LCORL: variants seen among roughly 807,000 people sequenced by gnomAD.
The protein encoded by LCORL is ligand-dependent nuclear receptor corepressor-like protein.
In LCORL, 41 loss-of-function variants were observed where a neutral mutation model predicts 141.8. The observed-to-expected ratio is 0.29, with a 90% CI of 0.23 to 0.38. The LOEUF (loss-of-function observed/expected upper bound fraction) is 0.38. LCORL is among the 10% of genes least tolerant of loss of function. The pLI, the probability that LCORL is intolerant of heterozygous loss-of-function variation, is 1.00. For missense variants in LCORL, 1,759 were observed against 2,035.0 expected, an observed-to-expected ratio of 0.86 and a Z score of 2.61; for synonymous variants, 618 against 694.1, an observed-to-expected ratio of 0.89 and a Z score of 1.72.
intron 5 of LCORL, among the ~76,000 whole-genome samples, chr4:17,898,652 G>GTTTTTTTT (rs34770223): frequency 2.0e-3 from 234 of 119,216 alleles, no homozygotes; most frequent in Non-Finnish European, 2.7e-3. Flanking sequence ...CATTCTCACC[G>GTTTTTTTT]TTTTTTTTTT....
chr4:17,878,578 T>C (rs1365219634), intron 6 of LCORL, among the ~76,000 whole-genome samples: 1 of 151,356 alleles, frequency 6.6e-6, no homozygotes, highest in Non-Finnish European at 1.5e-5. Context: ...TTCTGATACA[T>C]AATTATCAGT....
At chr4:17,947,539 TAA>T (rs1266393521) in intron 4 of LCORL, among the ~76,000 whole-genome samples, 3 of 151,864 alleles carry the variant, frequency 2.0e-5, no homozygotes, top group African/African-American at 4.8e-5. Flanking sequence ...TCAAAATCAC[TAA>T]GAGAGTAAAT....
intron 6 of LCORL, chr4:17,883,276 T>C: frequency 3.0e-6 from 3 of 987,140 alleles, no homozygotes; most frequent in Non-Finnish European, 3.6e-6. Context: ...ATACAACAAG[T>C]GTTAAGTCTG....
intron 1 of LCORL, among the ~76,000 whole-genome samples, chr4:17,998,272 T>C (rs1014714372): frequency 6.6e-6 from 1 of 152,204 alleles, no homozygotes; most frequent in Non-Finnish European, 1.5e-5. Flanking sequence ...CTGTGGACTT[T>C]ATAAACATTG....
chr4:17,922,901 C>A (rs1392680853), intron 4 of LCORL, among the ~76,000 whole-genome samples: 2 of 152,196 alleles, frequency 1.3e-5, no homozygotes, highest in African/African-American at 4.8e-5. Context: ...CCAACCTGGG[C>A]AGCCATCAGC....
At chr4:17,847,690 A>G (rs2109088829) in intron 7 of LCORL, among the ~76,000 whole-genome samples, 1 of 152,302 alleles carries the variant, frequency 6.6e-6, no homozygotes, top group East Asian at 1.9e-4. Flanking sequence ...TTTAGAAAAA[A>G]TTTACATTAT....
chr4:17,957,824 C>A (rs937406868), intron 4 of LCORL, among the ~76,000 whole-genome samples: 2 of 151,714 alleles, frequency 1.3e-5, no homozygotes, highest in Admixed American at 1.3e-4. Flanking sequence ...AAAAGGGCAA[C>A]CTATATAAGA....
At chr4:17,845,508 A>T in exon 8 of LCORL, 1 of 406,160 alleles carries the variant, frequency 2.5e-6, no homozygotes, top group Non-Finnish European at 4.4e-6. Context: ...CTAAAAGAGA[A>T]ACATCAAAAT....
intron 1 of LCORL, among the ~76,000 whole-genome samples, chr4:18,004,639 C>T (rs760369810): frequency 2.8e-4 from 42 of 152,110 alleles, no homozygotes; most frequent in Non-Finnish European, 1.3e-4. Context: ...TCCACCCTGG[C>T]CCCTCCCAAA....
intron 4 of LCORL, among the ~76,000 whole-genome samples, chr4:17,913,511 G>A (rs1732898772): frequency 6.6e-6 from 1 of 152,184 alleles, no homozygotes. Context: ...ACAGTTTTTT[G>A]GAATGTTCAA....
chr4:17,961,597 A>C (rs1379007197), intron 4 of LCORL, among the ~76,000 whole-genome samples: 1 of 152,026 alleles, frequency 6.6e-6, no homozygotes, highest in East Asian at 1.9e-4. Context: ...CAAGACAGCA[A>C]TACAATAAGG....
intron 7 of LCORL, among the ~76,000 whole-genome samples, chr4:17,869,714 T>C (rs527378578): frequency 2.0e-5 from 3 of 152,186 alleles, no homozygotes; most frequent in Non-Finnish European, 4.4e-5. Context: ...CAAATCCTTA[T>C]TTCAGCTCAG....
chr4:17,866,497 GTT>G lies in LCORL; in HGVS notation c.5602+6889_5602+6890del, dbSNP rs1229423393. Among the ~76,000 whole-genome samples the G allele has an allele frequency of 2.0e-5, 3 of 152,292 alleles. No homozygotes were observed. The East Asian group carries it at 5.8e-4, about 29-fold the overall frequency. On this transcript the variant is annotated intron_variant, in intron 7 of 7. Coordinates refer to ENST00000635767, the Ensembl canonical transcript of LCORL. ...AAACACTTTTGAATAAATAAAAAGA[GTT>G]TATAGGTACAGGCTTTTAAAATCTA...
intron 4 of LCORL, among the ~76,000 whole-genome samples, chr4:17,934,399 CA>C (rs1217710323): frequency 6.6e-6 from 1 of 151,934 alleles, no homozygotes; most frequent in East Asian, 1.9e-4. Flanking sequence ...AAAATTAAAA[CA>C]AAACAAAAAA....
intron 4 of LCORL, among the ~76,000 whole-genome samples, chr4:17,910,896 A>G (rs1220208328): frequency 6.6e-6 from 1 of 152,226 alleles, no homozygotes; most frequent in Non-Finnish European, 1.5e-5. Flanking sequence ...CTATGGGCCT[A>G]TAAGAAAAAT....
intron 5 of LCORL, among the ~76,000 whole-genome samples, chr4:17,906,521 C>T (rs1010173900): frequency 6.6e-6 from 1 of 152,172 alleles, no homozygotes; most frequent in Non-Finnish European, 1.5e-5. Flanking sequence ...TCCACTATCA[C>T]TACTCTTTCC....
At chr4:18,006,743 A>G (rs1443354454) in intron 1 of LCORL, among the ~76,000 whole-genome samples, 1 of 152,168 alleles carries the variant, frequency 6.6e-6, no homozygotes, top group Non-Finnish European at 1.5e-5. Flanking sequence ...CCCATTCCCT[A>G]TAATTCAATT....
intron 1 of LCORL, among the ~76,000 whole-genome samples, chr4:17,976,681 C>T (rs1046965122): frequency 6.6e-6 from 1 of 152,018 alleles, no homozygotes; most frequent in African/African-American, 2.4e-5. Flanking sequence ...CTACTAGCTA[C>T]CATTTTTCCT....
At chr4:17,893,387 T>C in intron 5 of LCORL, 1 of 970,300 alleles carries the variant, frequency 1.0e-6, no homozygotes, top group Non-Finnish European at 1.2e-6. Context: ...AATTTAAGTA[T>C]TAAAATGATT....
Sources: allele counts gnomAD v4.1 joint callset (sites outside exome capture counted in the v4.1 genomes callset), GRCh38; gene constraint gnomAD v4.1.1; transcripts MANE v1.5; gene names NCBI Gene and HGNC (gene_info 2026-07-23, HGNC 2026-07-21).